KSR2: variants seen among roughly 807,000 people sequenced by gnomAD.
KSR2 encodes the protein kinase suppressor of ras 2.
A neutral mutation model predicts 107.8 loss-of-function variants in KSR2; 25 were observed. The ratio of observed to expected loss-of-function variants is 0.23; its 90% CI spans 0.17 to 0.32. The LOEUF is 0.32. KSR2 is among the 10% of genes least tolerant of loss of function. The pLI is 1.00. For missense variants in KSR2, 887 were observed against 1,268.9 expected, an observed-to-expected ratio of 0.70 and a Z score of 4.57; for synonymous variants, 480 against 507.0, an observed-to-expected ratio of 0.95 and a Z score of 0.71.
intron 1 of KSR2, among the ~76,000 whole-genome samples, chr12:117,884,231 C>T (rs1477463733): frequency 2.6e-5 from 4 of 152,136 alleles, no homozygotes; most frequent in Admixed American, 6.5e-5. Context: ...AATGATAGTG[C>T]CCCTCCTGCA....
intron 16 of KSR2, among the ~76,000 whole-genome samples, chr12:117,482,109 A>G (rs1020696369): frequency 6.6e-6 from 1 of 152,074 alleles, no homozygotes; most frequent in Admixed American, 6.5e-5. Flanking sequence ...CAGTTGCTAC[A>G]TAAGAAGTTT....
At chr12:117,814,095 G>A (rs1891290961) in intron 3 of KSR2, among the ~76,000 whole-genome samples, 1 of 152,206 alleles carries the variant, frequency 6.6e-6, no homozygotes, top group African/African-American at 2.4e-5. Flanking sequence ...GTAGATGAGA[G>A]GATAACAGGC....
intron 4 of KSR2, among the ~76,000 whole-genome samples, chr12:117,672,880 C>T (rs1394515548): frequency 2.6e-5 from 4 of 152,322 alleles, no homozygotes; most frequent in South Asian, 2.1e-4. Context: ...ATCTTGGCCT[C>T]GGCCTCCCAA....
rs534930204 is a variant in KSR2, at chr12:117,503,506, G to C, written c.2220-17815C>G. On this transcript the variant is annotated intron_variant, in intron 14 of 19. Transcript: ENST00000339824. ...TTCTTGTGCCACCCACGACCAAGGAGGCTCCAGGATGATATGCAGACCCAC... is the reference window on the plus strand; with the variant it reads ...TTCTTGTGCCACCCACGACCAAGGACGCTCCAGGATGATATGCAGACCCAC... Among the ~76,000 whole-genome samples, 3 of 152,292 alleles carry C rather than the reference G, an allele frequency of 2.0e-5. No individual in the cohort carries two copies. The East Asian group carries it at 5.8e-4, about 29-fold the overall frequency.
At chr12:117,534,149 T>C (rs895154874) in intron 10 of KSR2, among the ~76,000 whole-genome samples, 5 of 151,986 alleles carry the variant, frequency 3.3e-5, no homozygotes, top group Non-Finnish European at 5.9e-5. Context: ...GCTTCCCCTC[T>C]GGAGCCCCCA....
intron 1 of KSR2, among the ~76,000 whole-genome samples, chr12:117,861,429 C>T (rs2137249158): frequency 7.6e-6 from 1 of 131,798 alleles, no homozygotes; most frequent in Middle Eastern, 6.3e-3. Flanking sequence ...CACTCTGTCG[C>T]CCAGGCTGGA....
intron 9 of KSR2, among the ~76,000 whole-genome samples, chr12:117,549,927 T>C (rs899023913): frequency 6.6e-6 from 1 of 152,194 alleles, no homozygotes; most frequent in African/African-American, 2.4e-5. Flanking sequence ...TACTCACTTA[T>C]CCTGGCAGAA....
chr12:117,869,335 G>A (rs1019685972), intron 1 of KSR2, among the ~76,000 whole-genome samples: 2 of 152,068 alleles, frequency 1.3e-5, no homozygotes, highest in Admixed American at 1.3e-4. Flanking sequence ...TCACGCCACT[G>A]CACTCCAGCC....
intron 18 of KSR2, among the ~76,000 whole-genome samples, chr12:117,470,064 C>T (rs1431443008): frequency 6.6e-6 from 1 of 151,948 alleles, no homozygotes; most frequent in African/African-American, 2.4e-5. Context: ...ATTCACTCTT[C>T]CATCCTTCAT....
At chr12:117,730,522 C>T (rs1887625557) in intron 4 of KSR2, among the ~76,000 whole-genome samples, 1 of 151,854 alleles carries the variant, frequency 6.6e-6, no homozygotes, top group Non-Finnish European at 1.5e-5. Context: ...CTCCCTCTCC[C>T]TCATCTCCCC....
intron 5 of KSR2, among the ~76,000 whole-genome samples, chr12:117,588,516 A>G (rs1043993462): frequency 4.7e-4 from 71 of 152,314 alleles, no homozygotes; most frequent in African/African-American, 1.6e-3. Flanking sequence ...AGAATATTAA[A>G]TGTGTGTTTA....
chr12:117,791,989 A>G (rs1406322143), intron 3 of KSR2, among the ~76,000 whole-genome samples: 1 of 152,146 alleles, frequency 6.6e-6, no homozygotes, highest in Non-Finnish European at 1.5e-5. Context: ...GAGCTTCTAG[A>G]AGGTGAAAGA....
intron 1 of KSR2, among the ~76,000 whole-genome samples, chr12:117,869,350 C>T (rs536915072): frequency 2.0e-4 from 31 of 152,112 alleles, no homozygotes; most frequent in South Asian, 2.1e-4. Flanking sequence ...CCAGCCTGGG[C>T]GACACAGCAA....
At chr12:117,499,397 A>G (rs925663987) in intron 14 of KSR2, among the ~76,000 whole-genome samples, 2 of 152,180 alleles carry the variant, frequency 1.3e-5, no homozygotes, top group East Asian at 3.8e-4. Context: ...CCTTTTGTAA[A>G]TCGAGAAAAA....
chr12:117,498,338 C>T (rs1052675984), intron 14 of KSR2, among the ~76,000 whole-genome samples: 1 of 152,092 alleles, frequency 6.6e-6, no homozygotes, highest in Non-Finnish European at 1.5e-5. Context: ...CCATGTTAAT[C>T]CTTATCATGC....
At chr12:117,718,682 A>C (rs1887093011) in intron 4 of KSR2, among the ~76,000 whole-genome samples, 1 of 152,224 alleles carries the variant, frequency 6.6e-6, no homozygotes, top group Admixed American at 6.5e-5. Flanking sequence ...TGCCATGAAG[A>C]TTAATGAGGT....
intron 5 of KSR2, among the ~76,000 whole-genome samples, chr12:117,644,272 A>G (rs1189799143): frequency 1.3e-5 from 2 of 152,240 alleles, no homozygotes; most frequent in East Asian, 1.9e-4. Context: ...TACATGGATC[A>G]TATCACAGTC....
Position 117,620,216 on chromosome 12 carries a change from C to T in KSR2, c.1172-37857G>A, listed in dbSNP as rs200624360. 2.0e-4 allele frequency among the ~76,000 whole-genome samples: 30 copies of T among 152,238 alleles called. No individual in the cohort carries two copies. In the East Asian group the frequency reaches 5.8e-3, roughly 29 times the overall value. ...CAAGATCTGAACCCACGTCTAAAAG[C>T]TTTTTCTCCCTACAAAACCACCTTC... On this transcript the variant is annotated intron_variant, in intron 5 of 19. Transcript: ENST00000339824.
At chr12:117,870,547 C>T (rs996543409) in intron 1 of KSR2, among the ~76,000 whole-genome samples, 5 of 151,818 alleles carry the variant, frequency 3.3e-5, no homozygotes, top group African/African-American at 7.3e-5. Flanking sequence ...TGCAGTAAGC[C>T]GAGATCGCAC....
Sources: allele counts gnomAD v4.1 joint callset (sites outside exome capture counted in the v4.1 genomes callset), GRCh38; gene constraint gnomAD v4.1.1; transcripts MANE v1.5; gene names NCBI Gene and HGNC (gene_info 2026-07-23, HGNC 2026-07-21).